The following SPAM1 variants were observed in gnomAD, a reference collection of about 807,000 sequenced individuals.
The protein encoded by SPAM1 is hyaluronidase PH-20.
A neutral mutation model predicts 29.6 loss-of-function variants in SPAM1; 22 were observed. That is an observed-to-expected ratio of 0.74 (90% CI 0.53 to 1.06). The LOEUF is 1.06. SPAM1 is among the 50% of genes least tolerant of loss of function. The pLI is 0.00. For missense variants in SPAM1, 534 were observed against 604.0 expected (o/e 0.88, Z 1.21); for synonymous variants, 194 against 204.6 (o/e 0.95, Z 0.44).
At chr7:123,947,027 A>C (rs1216168792) in intron 1 of SPAM1, among the ~76,000 whole-genome samples, 3 of 152,146 alleles carry the variant, frequency 2.0e-5, no homozygotes, top group Non-Finnish European at 4.4e-5. Flanking sequence ...TTGTGGTCTC[A>C]AGATTTATTT....
chr7:123,946,995 C>T (rs777189208), intron 1 of SPAM1, among the ~76,000 whole-genome samples: 14 of 152,060 alleles, frequency 9.2e-5, no homozygotes, highest in African/African-American at 2.9e-4. Context: ...TCTAGGTTGA[C>T]GTTTCCCTTG....
chr7:123,954,104 A>C lies in SPAM1; in HGVS notation c.534A>C (p.Gln178His). ...AATTGGTTCAGCAACAAAATGTACA[A>C]CTTAGTCTCACAGAGGCCACTGAGA... ...SIELVQQQNV[Q>H]LSLTEATEKA... Residue 178 changes from glutamine to histidine, a missense_variant, in exon 3 of 5, where the codon CAA (glutamine) becomes CAC (histidine). Gln to His is a conservative substitution (Grantham distance 24). Transcript: ENST00000682466. 1.2e-6 allele frequency: 2 copies of C among 1,613,138 alleles called. No individual in the cohort carries two copies. Among genetic ancestry groups the C allele is most frequent in the Non-Finnish European group, 1.7e-6 (2 of 1,179,618 alleles).
intron 2 of SPAM1, among the ~76,000 whole-genome samples, chr7:123,952,336 A>G (rs1792124114): frequency 6.6e-6 from 1 of 152,112 alleles, no homozygotes; most frequent in South Asian, 2.1e-4. Flanking sequence ...ATAATTTGCT[A>G]TGGTAAGGAC....
intron 1 of SPAM1, among the ~76,000 whole-genome samples, chr7:123,928,435 A>C (rs1359736936): frequency 6.6e-6 from 1 of 152,184 alleles, no homozygotes; most frequent in African/African-American, 2.4e-5. Flanking sequence ...GGTGGCATTA[A>C]ATTTACATAA....
At chr7:123,969,348 A>G (rs1275438493) in intron 5 of SPAM1, among the ~76,000 whole-genome samples, 2 of 152,042 alleles carry the variant, frequency 1.3e-5, no homozygotes, top group African/African-American at 4.8e-5. Context: ...GGTCTTAGCC[A>G]TAAATTCTGT....
At chr7:123,952,039 C>T (rs1409250017) in intron 2 of SPAM1, among the ~76,000 whole-genome samples, 1 of 152,072 alleles carries the variant, frequency 6.6e-6, no homozygotes, top group African/African-American at 2.4e-5. Flanking sequence ...ATTCCATTTC[C>T]TTTTCCCTGT....
chr7:123,941,296 G>A (rs950971504), intron 1 of SPAM1, among the ~76,000 whole-genome samples: 14 of 152,282 alleles, frequency 9.2e-5, no homozygotes, highest in South Asian at 4.2e-4. Flanking sequence ...CAAGTTGGTC[G>A]GGGTGCAGCT....
At chr7:123,926,443 G>T (rs1465118022) in intron 1 of SPAM1, among the ~76,000 whole-genome samples, 1 of 152,046 alleles carries the variant, frequency 6.6e-6, no homozygotes, top group African/African-American at 2.4e-5. Flanking sequence ...ATACTTTTTG[G>T]TTTACCAGAA....
chr7:123,969,760 G>A (rs1792473455), intron 5 of SPAM1, among the ~76,000 whole-genome samples: 1 of 146,332 alleles, frequency 6.8e-6, no homozygotes, highest in Non-Finnish European at 1.5e-5. Flanking sequence ...GCTCAGGATT[G>A]TTTTGGCTAT....
intron 1 of SPAM1, among the ~76,000 whole-genome samples, chr7:123,943,796 A>G (rs1584953143): frequency 6.6e-6 from 1 of 152,310 alleles, no homozygotes. Context: ...CCAAAGTGAT[A>G]ACTCAAAGAT....
chr7:123,925,553 A>G (rs1807850465), intron 1 of SPAM1: 1 of 152,102 alleles, frequency 6.6e-6, no homozygotes, highest in Non-Finnish European at 1.5e-5. Context: ...GTTTATTTCT[A>G]CTAAAAAATG....
At position 123,930,568 on chromosome 7, in the gene SPAM1, G is replaced by A. The variant is rs530027068; in HGVS notation, c.-319+5216G>A. 2.6e-5 allele frequency among the ~76,000 whole-genome samples: 4 copies of A among 152,214 alleles called. No individual in the cohort carries two copies. In the East Asian group the frequency reaches 7.7e-4, roughly 29 times the overall value. The stretch of plus-strand genomic sequence containing the variant: ...ATGATTGTGAAAATTAATGTCTCTG[G>A]TGTCATACACAAGTGAGATGCACCC... On this transcript the variant is annotated intron_variant, in intron 1 of 4. Transcript: ENST00000682466.
Position 123,959,534 on chromosome 7 carries a change from C to G in SPAM1, c.1095C>G (p.Tyr365Ter), listed in dbSNP as rs1298476371. 1.9e-6 allele frequency: 3 copies of G among 1,612,708 alleles called. No homozygotes were observed. The African/African-American group carries it at 4.0e-5, about 22-fold the overall frequency. The change falls in exon 5 of 5, where the codon TAC becomes TAG. Residue 365 changes from tyrosine to a stop codon, truncating the protein, a stop_gained. Coordinates refer to ENST00000682466, the MANE Select transcript of SPAM1 (RefSeq NM_153189.3). LOFTEE classifies it low-confidence loss of function (END_TRUNC). ...ACATGGAGACTATACTGAATCCTTA[C>G]ATAATCAACGTCACACTAGCAGCCA... ...DNYMETILNP[Y>*]IINVTLAAKM... is the part of the protein sequence containing the mutation.
intron 1 of SPAM1, among the ~76,000 whole-genome samples, chr7:123,929,845 C>A (rs891798843): frequency 6.6e-6 from 1 of 150,648 alleles, no homozygotes; most frequent in Admixed American, 6.6e-5. Context: ...GTGCTTTCTG[C>A]CATTCTTGCA....
intron 5 of SPAM1, among the ~76,000 whole-genome samples, chr7:123,966,623 A>G (rs909060505): frequency 1.3e-5 from 2 of 152,124 alleles, no homozygotes; most frequent in African/African-American, 4.8e-5. Flanking sequence ...TTGCAGGGAC[A>G]TGGATGGAGC....
rs537586681 is a variant in SPAM1 at position 123,959,215 on chromosome 7, A to G, written c.1045-269A>G. The stretch of plus-strand genomic sequence containing the variant: ...TAGCATTCTATCCCCTGATTATGTT[A>G]TGAATTACAGAGGACGAGCAAGGGT... On this transcript the variant is annotated intron_variant, in intron 4 of 4. Transcript: ENST00000682466. Among the ~76,000 whole-genome samples, 18 of 152,164 alleles carry G rather than the reference A, an allele frequency of 1.2e-4. 1 individual carries two copies. The highest frequency in any genetic ancestry group is 4.3e-4 in the African/African-American group (18 of 41,546).
In SPAM1 at chr7:123,954,001, T is replaced by A. The variant is rs769829636; in HGVS notation, c.431T>A (p.Val144Asp). ...CCAGTAGACAATTTGGGAATGGCTG[T>A]TATTGACTGGGAAGAATGGAGACCC... ...YMPVDNLGMA[V>D]IDWEEWRPTW... The change falls in exon 3 of 5, where the codon GTT (valine) becomes GAT (aspartate). Residue 144 changes from valine (V) to aspartate (D), a missense_variant. Physicochemically the swap from Val to Asp is radical, Grantham distance 152. Transcript: ENST00000682466. The A allele has an allele frequency of 9.9e-6, 16 of 1,613,560 alleles. No homozygotes were observed. The East Asian group carries it at 3.6e-4, about 36-fold the overall frequency.
At chr7:123,969,992 T>A (rs1347696523) in intron 5 of SPAM1, among the ~76,000 whole-genome samples, 1 of 151,998 alleles carries the variant, frequency 6.6e-6, no homozygotes, top group East Asian at 1.9e-4. Flanking sequence ...AGAGTGGTGG[T>A]CGTAGGAATT....
intron 1 of SPAM1, among the ~76,000 whole-genome samples, chr7:123,929,895 A>ATTTTTTTTTTTTTTTTTTTTTTTTTT (rs71163712): frequency 1.7e-5 from 2 of 119,830 alleles, no homozygotes; most frequent in African/African-American, 6.2e-5. Flanking sequence ...GTGTTTAGGG[A>ATTTTTTTTTTTTTTTTTTTTTTTTTT]TTTTTTTTTT....
Sources: gnomAD v4.1 joint callset for allele counts (sites outside exome capture counted in the v4.1 genomes callset) on GRCh38, gnomAD v4.1.1 for gene constraint, MANE v1.5 for transcripts, NCBI Gene and HGNC (gene_info 2026-07-23, HGNC 2026-07-21) for gene names.